ZBTB7C: variants seen among roughly 807,000 people sequenced by gnomAD.
ZBTB7C encodes the protein zinc finger and BTB domain-containing protein 7C.
In ZBTB7C, 8 loss-of-function variants were observed where a neutral mutation model predicts 25.7. The observed-to-expected ratio is 0.31, with a 90% CI of 0.18 to 0.56. The LOEUF (loss-of-function observed/expected upper bound fraction) is 0.56. ZBTB7C is among the 20% of genes least tolerant of loss of function. The pLI is 0.91. For synonymous variants in ZBTB7C, 394 were observed against 369.0 expected (o/e 1.07, Z -0.78); for missense variants, 824 against 855.2 (o/e 0.96, Z 0.46).
intron 2 of ZBTB7C, among the ~76,000 whole-genome samples, chr18:48,208,252 C>G (rs1433230685): frequency 6.6e-6 from 1 of 152,014 alleles, no homozygotes; most frequent in Non-Finnish European, 1.5e-5. Flanking sequence ...ACCTAGTCCA[C>G]TCTGAAAGGA....
At chr18:48,404,089 C>T (rs1211882715) in intron 1 of ZBTB7C, among the ~76,000 whole-genome samples, 5 of 152,120 alleles carry the variant, frequency 3.3e-5, no homozygotes, top group Non-Finnish European at 5.9e-5. Context: ...CCCGTCTCTA[C>T]TAAAAATACA....
intron 2 of ZBTB7C, among the ~76,000 whole-genome samples, chr18:48,239,287 C>T (rs1166136867): frequency 6.6e-6 from 1 of 152,172 alleles, no homozygotes; most frequent in African/African-American, 2.4e-5. Flanking sequence ...TATGGCCCTG[C>T]CCATCACCTA....
At chr18:48,362,535 C>T (rs1453653796) in intron 1 of ZBTB7C, among the ~76,000 whole-genome samples, 3 of 152,144 alleles carry the variant, frequency 2.0e-5, no homozygotes, top group Non-Finnish European at 4.4e-5. Flanking sequence ...ACCAGACACC[C>T]AATCTGCCTT....
At chr18:48,308,235 C>T (rs144793992) in intron 2 of ZBTB7C, among the ~76,000 whole-genome samples, 73 of 152,334 alleles carry the variant, frequency 4.8e-4, no homozygotes, top group African/African-American at 1.8e-3. Context: ...GTGCTTCTTC[C>T]ACTCCCTGCC....
intron 3 of ZBTB7C, among the ~76,000 whole-genome samples, chr18:48,069,725 A>T (rs1366775145): frequency 6.7e-6 from 1 of 149,264 alleles, no homozygotes; most frequent in South Asian, 2.1e-4. Context: ...GCTCTTAACC[A>T]CTGCAGTATA....
intron 3 of ZBTB7C, among the ~76,000 whole-genome samples, chr18:48,163,063 G>A (rs1023444263): frequency 2.6e-5 from 4 of 152,290 alleles, no homozygotes; most frequent in Admixed American, 6.5e-5. Context: ...TCAGTGAAGC[G>A]GCAGCTACTG....
chr18:48,269,754 C>T (rs1319367331), intron 2 of ZBTB7C, among the ~76,000 whole-genome samples: 4 of 152,134 alleles, frequency 2.6e-5, no homozygotes. Flanking sequence ...GGAGGAAGCC[C>T]ACAGCTCAAA....
chr18:48,076,538 C>T (rs975073739), intron 3 of ZBTB7C, among the ~76,000 whole-genome samples: 2 of 152,160 alleles, frequency 1.3e-5, no homozygotes, highest in African/African-American at 4.8e-5. Flanking sequence ...AGGACACTGA[C>T]CCCAAATATT....
chr18:48,362,917 G>A (rs2047142653), intron 1 of ZBTB7C, among the ~76,000 whole-genome samples: 1 of 152,170 alleles, frequency 6.6e-6, no homozygotes. Flanking sequence ...TGTGGCCGCT[G>A]CACCTGAGGG....
chr18:48,323,525 T>C (rs1241884541), intron 2 of ZBTB7C, among the ~76,000 whole-genome samples: 4 of 152,190 alleles, frequency 2.6e-5, no homozygotes, highest in Non-Finnish European at 4.4e-5. Context: ...CTGTACTCCC[T>C]CCCTTAAAGC....
chr18:48,073,065 T>C lies in ZBTB7C; in HGVS notation c.-16-31942A>G, dbSNP rs1041921878. ...AGGAACTTCCTGACAGGAACCAATG[T>C]GGAAACCAGGCCCAGTTTGGCCATG... On this transcript the variant is annotated intron_variant, in intron 3 of 4. Coordinates refer to ENST00000590800, the MANE Select transcript of ZBTB7C (RefSeq NM_001318841.2). Among the ~76,000 whole-genome samples the C allele has an allele frequency of 6.6e-5, 10 of 152,268 alleles. No individual in the cohort carries two copies. The East Asian group carries it at 1.7e-3, about 27-fold the overall frequency.
At chr18:48,399,065 T>C (rs1435766250) in intron 1 of ZBTB7C, among the ~76,000 whole-genome samples, 1 of 152,138 alleles carries the variant, frequency 6.6e-6, no homozygotes, top group African/African-American at 2.4e-5. Flanking sequence ...TAAGTCAAGG[T>C]ATAATTGTCA....
chr18:48,093,166 C>T (rs900552645), intron 3 of ZBTB7C, among the ~76,000 whole-genome samples: 2 of 152,154 alleles, frequency 1.3e-5, no homozygotes, highest in South Asian at 2.1e-4. Context: ...TGCCAGTGCC[C>T]GAACTAGGGT....
intron 3 of ZBTB7C, among the ~76,000 whole-genome samples, chr18:48,126,125 T>C (rs548318633): frequency 1.3e-5 from 2 of 152,362 alleles, no homozygotes; most frequent in South Asian, 4.1e-4. Context: ...AGGTATTTTC[T>C]ATTTTCCTTT....
intron 1 of ZBTB7C, among the ~76,000 whole-genome samples, chr18:48,364,645 T>C (rs2047182969): frequency 6.6e-6 from 1 of 152,150 alleles, no homozygotes; most frequent in Admixed American, 6.5e-5. Flanking sequence ...AAATAAGTAA[T>C]ACATTAAATG....
rs139971084 is a variant in ZBTB7C at position 48,087,201 on chromosome 18, G to A, written c.-16-46078C>T. ...TGCTCCTGGGCCTGGAGAAGGCAAT[G>A]AGAGCATCCAAAAGCAAGGAGGGCA... is the stretch of plus-strand genomic sequence containing the variant. On this transcript the variant is annotated intron_variant, in intron 3 of 4. Coordinates refer to ENST00000590800, the MANE Select transcript of ZBTB7C (RefSeq NM_001318841.2). 1.5e-3 allele frequency among the ~76,000 whole-genome samples: 223 copies of A among 152,318 alleles called. 1 individual carries two copies. Among genetic ancestry groups the A allele is most frequent in the African/African-American group, 5.1e-3 (210 of 41,578 alleles).
At chr18:48,139,238 C>T (rs1362808441) in intron 3 of ZBTB7C, among the ~76,000 whole-genome samples, 1 of 152,076 alleles carries the variant, frequency 6.6e-6, no homozygotes, top group African/African-American at 2.4e-5. Context: ...TCAGAGGGTT[C>T]ACTCAGTAGT....
intron 3 of ZBTB7C, among the ~76,000 whole-genome samples, chr18:48,083,054 G>C (rs988694625): frequency 7.2e-5 from 11 of 152,078 alleles, no homozygotes; most frequent in Admixed American, 7.2e-4. Context: ...ACTATAACCC[G>C]CTATGACATT....
intron 1 of ZBTB7C, among the ~76,000 whole-genome samples, chr18:48,345,437 G>A (rs1249343587): frequency 6.6e-6 from 1 of 152,150 alleles, no homozygotes; most frequent in African/African-American, 2.4e-5. Context: ...TAGAACAGCA[G>A]CCTCAGAATT....
Sources: allele counts gnomAD v4.1 joint callset (sites outside exome capture counted in the v4.1 genomes callset), GRCh38; gene constraint gnomAD v4.1.1; transcripts MANE v1.5; gene names NCBI Gene and HGNC (gene_info 2026-07-23, HGNC 2026-07-21).